RAB3GAP1: variants seen among roughly 807,000 people sequenced by gnomAD.
The protein encoded by RAB3GAP1 is RAB3 GTPase activating protein catalytic subunit 1, also known as rab3 GTPase-activating protein catalytic subunit.
Under a neutral mutation model 130.7 loss-of-function variants are expected in RAB3GAP1, and 86 were observed. The observed-to-expected ratio is 0.66, with a 90% confidence interval of 0.55 to 0.79. RAB3GAP1 has a LOEUF of 0.79. Among genes scored for constraint, RAB3GAP1 ranks in the 30% least tolerant of loss-of-function variants. RAB3GAP1 has a pLI of 0.00. For missense variants in RAB3GAP1, 1,029 were observed against 1,169.4 expected, an observed-to-expected ratio of 0.88 and a Z score of 1.75; for synonymous variants, 367 against 401.7, an observed-to-expected ratio of 0.91 and a Z score of 1.03.
At chr2:135,119,687 T>C (rs749769698) in intron 7 of RAB3GAP1, among the ~76,000 whole-genome samples, 1 of 152,224 alleles carries the variant, frequency 6.6e-6, no homozygotes, top group Non-Finnish European at 1.5e-5. Flanking sequence ...TTAAAGCTAC[T>C]AGTGACATTT....
chr2:135,103,322 C>T (rs886305643), intron 5 of RAB3GAP1, among the ~76,000 whole-genome samples: 1 of 152,054 alleles, frequency 6.6e-6, no homozygotes, highest in Non-Finnish European at 1.5e-5. Flanking sequence ...CAGGCACGAG[C>T]CACCGTGCCC....
At chr2:135,159,674 C>T (rs1047904236) in intron 19 of RAB3GAP1, among the ~76,000 whole-genome samples, 3 of 152,088 alleles carry the variant, frequency 2.0e-5, no homozygotes, top group Non-Finnish European at 2.9e-5. Context: ...CTAAGGAAAC[C>T]GCGTACATAC....
chr2:135,173,543 CAG>C (rs1272175653), downstream of RAB3GAP1, among the ~76,000 whole-genome samples: 1 of 152,274 alleles, frequency 6.6e-6, no homozygotes, highest in African/African-American at 2.4e-5. Context: ...CAAATGCATT[CAG>C]AGAGAGGCAA....
chr2:135,173,475 A>G (rs374637197), downstream of RAB3GAP1, among the ~76,000 whole-genome samples: 103 of 152,308 alleles, frequency 6.8e-4, no homozygotes, highest in Non-Finnish European at 1.2e-3. Context: ...AATGCCACTG[A>G]GATGACAAGT....
At chr2:135,077,673 A>T (rs569242882) in intron 3 of RAB3GAP1, among the ~76,000 whole-genome samples, 1 of 152,316 alleles carries the variant, frequency 6.6e-6, no homozygotes, top group African/African-American at 2.4e-5. Context: ...CATTCTCACC[A>T]GCAATGCTCA....
chr2:135,146,997 C>G (rs1460700053), intron 17 of RAB3GAP1, among the ~76,000 whole-genome samples: 1 of 151,830 alleles, frequency 6.6e-6, no homozygotes, highest in African/African-American at 2.4e-5. Context: ...CACACACACA[C>G]ACGAAAATTT....
At position 135,168,582 on chromosome 2, in the gene RAB3GAP1, G is replaced by C; in HGVS notation, c.2747G>C (p.Arg916Thr). 1 of 1,614,182 alleles carries C rather than the reference G, an allele frequency of 6.2e-7. No homozygotes were observed. The highest frequency in any genetic ancestry group is 8.5e-7 in the Non-Finnish European group (1 of 1,180,040). The change falls in exon 24 of 24, where the codon AGA (arginine) becomes ACA (threonine). Residue 916 changes from arginine (R) to threonine (T), a missense_variant. Transcript: ENST00000264158. Reference protein sequence around the residue: ...AMTPPEEELKRMGSPEERRQN... With the variant: ...AMTPPEEELKTMGSPEERRQN... ...ACTCCACCAGAGGAGGAATTGAAGA[G>C]AATGGGCTCCCCAGAGGAAAGAAGG... is the stretch of plus-strand genomic sequence containing the variant.
chr2:135,150,237 T>G, intron 17 of RAB3GAP1, 132 bp from the exon 18 acceptor site: 2 of 1,098,966 alleles, frequency 1.8e-6, no homozygotes, highest in Non-Finnish European at 2.6e-6. Context: ...ACTTATGCAT[T>G]TCTCTGAATT....
downstream of RAB3GAP1, among the ~76,000 whole-genome samples, chr2:135,171,056 T>C (rs1032865778): frequency 2.6e-5 from 4 of 151,230 alleles, no homozygotes; most frequent in African/African-American, 9.7e-5. Context: ...AGGGTGAGAG[T>C]TGGGGCAAAA....
At chr2:135,161,550 G>T (rs1692466675) in intron 19 of RAB3GAP1, among the ~76,000 whole-genome samples, 2 of 152,236 alleles carry the variant, frequency 1.3e-5, no homozygotes, top group African/African-American at 4.8e-5. Context: ...TGGGGATGGA[G>T]GGTACACAGG....
intron 7 of RAB3GAP1, among the ~76,000 whole-genome samples, chr2:135,120,498 C>T (rs1318172183): frequency 1.3e-5 from 2 of 152,202 alleles, no homozygotes; most frequent in African/African-American, 2.4e-5. Flanking sequence ...CTGTTCCTTA[C>T]TATGGGATCT....
At chr2:135,101,516 T>G (rs948347437) in intron 5 of RAB3GAP1, among the ~76,000 whole-genome samples, 17 of 152,290 alleles carry the variant, frequency 1.1e-4, no homozygotes, top group African/African-American at 4.1e-4. Context: ...AGAAAATAGA[T>G]TTTTGGGATT....
rs1254610226 is a variant in RAB3GAP1, at chr2:135,132,978, A to G, written c.1320A>G (p.Glu440=). ...TDNNNPPSES[E]DYNLYNQFKS... is the part of the protein sequence containing the mutation. ...ATAATAATCCTCCATCAGAGAGTGA[A>G]GACTATGTAAGTTGATGTGGAGTTC... The change falls in exon 14 of 24, where the codon GAA becomes GAG. Residue 440 remains glutamate (E), a synonymous_variant. Transcript: ENST00000264158. The G allele has an allele frequency of 6.5e-7, 1 of 1,531,910 alleles. No individual in the cohort carries two copies. Among genetic ancestry groups the G allele is most frequent in the South Asian group, 1.1e-5 (1 of 89,386 alleles). 94.9% of individuals were successfully genotyped at this position (1,531,910 alleles called of 1,614,324 possible). A position where few individuals can be genotyped will look rare whatever the true frequency, so the allele number is the denominator to read the frequency against.
At chr2:135,098,926 G>A (rs1690374472) in intron 5 of RAB3GAP1, among the ~76,000 whole-genome samples, 1 of 152,088 alleles carries the variant, frequency 6.6e-6, no homozygotes, top group Admixed American at 6.6e-5. Context: ...TCTAGGAGTT[G>A]TCATTTCTTT....
chr2:135,083,973 G>A (rs889603860), intron 3 of RAB3GAP1, among the ~76,000 whole-genome samples: 10 of 151,830 alleles, frequency 6.6e-5, no homozygotes, highest in Admixed American at 5.2e-4. Flanking sequence ...GACCGGGTGC[G>A]GTGGCTCATG....
chr2:135,145,399 T>TACACACAC (rs10603690), intron 17 of RAB3GAP1, among the ~76,000 whole-genome samples: 1 of 147,014 alleles, frequency 6.8e-6, no homozygotes, highest in African/African-American at 2.5e-5. Flanking sequence ...CACACACACA[T>TACACACAC]ACACACACAC....
At chr2:135,099,461 G>A (rs62170168) in intron 5 of RAB3GAP1, among the ~76,000 whole-genome samples, 1 of 144,134 alleles carries the variant, frequency 6.9e-6, no homozygotes, top group Non-Finnish European at 1.5e-5. Flanking sequence ...GTGTGTGTGT[G>A]TGTGTATGTA....
At chr2:135,079,589 C>G (rs1689728506) in intron 3 of RAB3GAP1, among the ~76,000 whole-genome samples, 1 of 152,154 alleles carries the variant, frequency 6.6e-6, no homozygotes, top group Non-Finnish European at 1.5e-5. Flanking sequence ...ATTTGCTGTT[C>G]AATTTCCTGC....
intron 5 of RAB3GAP1, among the ~76,000 whole-genome samples, chr2:135,094,493 A>G (rs963865476): frequency 7.9e-5 from 12 of 152,058 alleles, no homozygotes; most frequent in African/African-American, 2.9e-4. Context: ...TACTTTTTCT[A>G]TCCAACTGTA....
Sources: gnomAD v4.1 joint callset for allele counts (sites outside exome capture counted in the v4.1 genomes callset) on GRCh38, gnomAD v4.1.1 for gene constraint, MANE v1.5 for transcripts, NCBI Gene and HGNC (gene_info 2026-07-23, HGNC 2026-07-21) for gene names.